The following PIBF1 variants were observed in gnomAD, a reference collection of about 807,000 sequenced individuals.
PIBF1 encodes the protein progesterone-induced-blocking factor 1.
Under a neutral mutation model 112.5 loss-of-function variants are expected in PIBF1, and 90 were observed. The observed-to-expected ratio is 0.80, with a 90% CI of 0.67 to 0.95. The LOEUF (loss-of-function observed/expected upper bound fraction) is 0.95. Among genes scored for constraint, PIBF1 ranks in the 40% least tolerant of loss-of-function variants. The pLI is 0.00. For missense variants in PIBF1, 915 were observed against 852.3 expected, an observed-to-expected ratio of 1.07 and a Z score of -0.92; for synonymous variants, 301 against 288.6, an observed-to-expected ratio of 1.04 and a Z score of -0.44.
chr13:72,895,473 A>C (rs1008241983), intron 11 of PIBF1, among the ~76,000 whole-genome samples: 1 of 151,882 alleles, frequency 6.6e-6, no homozygotes, highest in Non-Finnish European at 1.5e-5. Context: ...GTGGGAAAAA[A>C]AAGGAATGGA....
intron 9 of PIBF1, among the ~76,000 whole-genome samples, chr13:72,848,478 G>A (rs1202593472): frequency 6.6e-6 from 1 of 152,080 alleles, no homozygotes; most frequent in Non-Finnish European, 1.5e-5. Context: ...CTGCACAAAT[G>A]GCACTATATT....
chr13:72,828,643 TGG>T (rs1235326206), intron 8 of PIBF1, among the ~76,000 whole-genome samples: 15 of 152,216 alleles, frequency 9.9e-5, no homozygotes, highest in Non-Finnish European at 2.1e-4. Flanking sequence ...ATATATTCCA[TGG>T]TACATATGTG....
At chr13:72,839,826 C>A (rs1358894361) in intron 9 of PIBF1, among the ~76,000 whole-genome samples, 1 of 152,124 alleles carries the variant, frequency 6.6e-6, no homozygotes, top group Non-Finnish European at 1.5e-5. Flanking sequence ...AAACAACCAA[C>A]AGAGCCGTTT....
At chr13:72,950,136 A>G (rs901345242) in intron 14 of PIBF1, among the ~76,000 whole-genome samples, 5 of 152,172 alleles carry the variant, frequency 3.3e-5, no homozygotes, top group Non-Finnish European at 4.4e-5. Context: ...CCTTTGAGCA[A>G]TCTTGAACAA....
At chr13:72,888,930 T>G (rs577663938) in intron 10 of PIBF1, among the ~76,000 whole-genome samples, 1 of 152,098 alleles carries the variant, frequency 6.6e-6, no homozygotes, top group Non-Finnish European at 1.5e-5. Flanking sequence ...CTGGGTGCAG[T>G]GACCCACACC....
intron 17 of PIBF1, among the ~76,000 whole-genome samples, 199 bp downstream of exon 17, chr13:72,999,194 G>A (rs1418157428): frequency 6.6e-6 from 1 of 151,946 alleles, no homozygotes; most frequent in Non-Finnish European, 1.5e-5. Flanking sequence ...ATATTTTACT[G>A]TAATTCCTCA....
intron 17 of PIBF1, among the ~76,000 whole-genome samples, chr13:73,013,361 A>G (rs1209768648): frequency 6.6e-6 from 1 of 151,120 alleles, no homozygotes; most frequent in Non-Finnish European, 1.5e-5. Flanking sequence ...AAAGAAAGGA[A>G]GAGAAGAAAT....
intron 3 of PIBF1, among the ~76,000 whole-genome samples, chr13:72,793,631 C>T (rs2138413142): frequency 6.6e-6 from 1 of 152,280 alleles, no homozygotes; most frequent in South Asian, 2.1e-4. Flanking sequence ...GCTGAGAGGG[C>T]AGTCACGAGT....
At chr13:72,979,073 T>C (rs2043092535) in intron 16 of PIBF1, among the ~76,000 whole-genome samples, 1 of 152,148 alleles carries the variant, frequency 6.6e-6, no homozygotes, top group Non-Finnish European at 1.5e-5. Flanking sequence ...TGCACATCTG[T>C]GTTCCCAGCT....
At chr13:72,848,386 T>A (rs1409314937) in intron 9 of PIBF1, among the ~76,000 whole-genome samples, 1 of 152,194 alleles carries the variant, frequency 6.6e-6, no homozygotes, top group East Asian at 1.9e-4. Flanking sequence ...GTTAGTCTAT[T>A]GTTACGAATG....
intron 14 of PIBF1, among the ~76,000 whole-genome samples, chr13:72,957,848 C>T (rs2042491080): frequency 6.6e-6 from 1 of 151,746 alleles, no homozygotes; most frequent in Non-Finnish European, 1.5e-5. Flanking sequence ...ACTTGGGAGG[C>T]TGAAGTGGAA....
At position 72,783,477 on chromosome 13, in the gene PIBF1, G is replaced by T. The variant is rs771279864; in HGVS notation, c.8G>T (p.Arg3Leu). 1.3e-6 allele frequency: 2 copies of T among 1,590,840 alleles called. No homozygotes were observed. Among genetic ancestry groups the T allele is most frequent in the African/African-American group, 1.4e-5 (1 of 73,702 alleles). Residue 3 changes from arginine to leucine, a missense_variant, in exon 2 of 18, where the codon CGA becomes CTA. Physicochemically the swap from Arg to Leu is moderately radical, Grantham distance 102. Coordinates refer to ENST00000326291, the MANE Select transcript of PIBF1 (RefSeq NM_006346.4). MS[R>L]KISKESKKVN... Reference sequence around the variant, plus strand: ...TGATCCATAATAATAAAAATGTCTCGAAAAATTTCAAAGGAGTCAAAAAAA... The same window carrying T: ...TGATCCATAATAATAAAAATGTCTCTAAAAATTTCAAAGGAGTCAAAAAAA...
At chr13:72,928,598 C>A (rs1331325621) in intron 13 of PIBF1, among the ~76,000 whole-genome samples, 1 of 152,142 alleles carries the variant, frequency 6.6e-6, no homozygotes, top group Non-Finnish European at 1.5e-5. Flanking sequence ...TGCCACCACG[C>A]CCAGCTAATT....
Position 72,973,589 on chromosome 13 carries a change from A to T in PIBF1, c.1965-2A>T. 1 of 1,509,084 alleles carries T rather than the reference A, an allele frequency of 6.6e-7. No homozygotes were observed. 93.5% of individuals were successfully genotyped at this position (1,509,084 alleles called of 1,614,324 possible). On this transcript the variant is annotated splice_acceptor_variant, in intron 15 of 17. Transcript: ENST00000326291. LOFTEE classifies it high-confidence loss of function. ...TTTTAAAACTGGGGTTTTTTTTTTC[A>T]GCAACTTAAATAAAGAAAAGTCAGC...
chr13:72,942,859 G>A (rs186380562), intron 14 of PIBF1, among the ~76,000 whole-genome samples: 2 of 152,124 alleles, frequency 1.3e-5, no homozygotes, highest in East Asian at 3.9e-4. Flanking sequence ...AAATCATCCG[G>A]GTGTGGTGGT....
chr13:73,013,750 A>G (rs1026383263), intron 17 of PIBF1, among the ~76,000 whole-genome samples: 7 of 143,890 alleles, frequency 4.9e-5, no homozygotes, highest in South Asian at 4.3e-4. Context: ...AAAAAAAAAA[A>G]AAAGAAAAAG....
At chr13:72,810,377 T>C (rs1203807857) in intron 5 of PIBF1, among the ~76,000 whole-genome samples, 1 of 152,220 alleles carries the variant, frequency 6.6e-6, no homozygotes, top group African/African-American at 2.4e-5. Flanking sequence ...GAGGAAATGG[T>C]GAAATATTTT....
chr13:72,882,247 A>G (rs1303652765), intron 10 of PIBF1, among the ~76,000 whole-genome samples: 3 of 152,222 alleles, frequency 2.0e-5, no homozygotes, highest in African/African-American at 7.2e-5. Context: ...TATGCAGAAG[A>G]ATAAAATTAG....
At chr13:72,899,656 T>C (rs1259905195) in intron 11 of PIBF1, among the ~76,000 whole-genome samples, 2 of 152,100 alleles carry the variant, frequency 1.3e-5, no homozygotes, top group African/African-American at 4.8e-5. Flanking sequence ...TAATACTGAA[T>C]GGGGAAAAAT....
Sources: allele counts gnomAD v4.1 joint callset (sites outside exome capture counted in the v4.1 genomes callset), GRCh38; gene constraint gnomAD v4.1.1; transcripts MANE v1.5; gene names NCBI Gene and HGNC (gene_info 2026-07-23, HGNC 2026-07-21).